Variants in CAPN7 observed in about 807,000 individuals in gnomAD.
CAPN7 encodes calpain 7.
In CAPN7, 72 loss-of-function variants were observed where a neutral mutation model predicts 115.2. That is an observed-to-expected ratio of 0.63 (90% CI 0.52 to 0.76). The LOEUF is 0.76. Ranked by LOEUF, CAPN7 falls within the 30% of genes least tolerant of loss-of-function variation. The pLI is 0.00. For missense variants in CAPN7, 905 were observed against 971.5 expected (o/e 0.93, Z 0.91); for synonymous variants, 344 against 322.3 (o/e 1.07, Z -0.72).
At chr3:15,247,938 C>T (rs1488234552) in intron 19 of CAPN7, among the ~76,000 whole-genome samples, 1 of 151,590 alleles carries the variant, frequency 6.6e-6, no homozygotes, top group African/African-American at 2.4e-5. Context: ...AAAAACCAAA[C>T]ACCACATATT....
At chr3:15,206,785 G>A (rs1003590558) in intron 1 of CAPN7, among the ~76,000 whole-genome samples, 188 bp downstream of exon 1, 2 of 152,212 alleles carry the variant, frequency 1.3e-5, no homozygotes, top group African/African-American at 4.8e-5. Context: ...GAGGCTGCGG[G>A]GAGGCTGGGT....
rs1006594642 is a variant in CAPN7 at position 15,206,432 on chromosome 3, A to G, written c.-64A>G. 1.6e-6 allele frequency: 2 copies of G among 1,270,042 alleles called. No homozygotes were observed. Among genetic ancestry groups the G allele is most frequent in the Non-Finnish European group, 2.2e-6 (2 of 910,162 alleles). 78.7% of individuals were successfully genotyped at this position (1,270,042 alleles called of 1,614,324 possible). On this transcript the variant is annotated 5_prime_UTR_variant, in exon 1 of 21. Transcript: ENST00000253693. ...GTCCTCGCCGCCGCCGGGCCGCCGC[A>G]GTCCGCGAAGAGCCGTCCTGCGTCA... is the stretch of plus-strand genomic sequence containing the variant.
intron 1 of CAPN7, chr3:15,210,822 C>T (rs768247209): frequency 2.3e-6 from 3 of 1,289,534 alleles, no homozygotes; most frequent in East Asian, 5.6e-5. Flanking sequence ...ACAACTCCTG[C>T]TCAAACAACT....
At chr3:15,209,993 T>C (rs1167506460) in intron 1 of CAPN7, among the ~76,000 whole-genome samples, 2 of 152,198 alleles carry the variant, frequency 1.3e-5, no homozygotes, top group Non-Finnish European at 2.9e-5. Context: ...CAGCAGTTTT[T>C]TAAATTGGCT....
chr3:15,247,744 A>G (rs1249188874), intron 19 of CAPN7, among the ~76,000 whole-genome samples: 3 of 151,834 alleles, frequency 2.0e-5, no homozygotes, highest in Non-Finnish European at 4.4e-5. Flanking sequence ...TAATGCAGGA[A>G]ATGTTTTAAC....
intron 9 of CAPN7, among the ~76,000 whole-genome samples, chr3:15,230,857 A>G (rs927296304): frequency 1.3e-5 from 2 of 152,254 alleles, no homozygotes; most frequent in Non-Finnish European, 2.9e-5. Flanking sequence ...AGGAAATCAG[A>G]CAAACTAAAT....
Position 15,229,725 on chromosome 3 carries a change from T to C in CAPN7, c.938+666T>C, listed in dbSNP as rs536446461. On this transcript the variant is annotated intron_variant, in intron 8 of 20. Transcript: ENST00000253693. The stretch of plus-strand genomic sequence containing the variant: ...GAAGTAGCTGGGATTACAGGCAGTT[T>C]TACCTTTTTAACTTTTAATGTGGTT... Among the ~76,000 whole-genome samples the C allele has an allele frequency of 3.9e-5, 6 of 151,974 alleles. No individual in the cohort carries two copies. The East Asian group carries it at 1.2e-3, about 29-fold the overall frequency.
chr3:15,227,956 C>T lies in CAPN7; in HGVS notation c.843C>T (p.Ser281=), dbSNP rs755737353. Residue 281 remains serine (S), a synonymous_variant, in exon 7 of 21, where the codon AGC becomes AGT. Transcript: ENST00000253693. The stretch of plus-strand genomic sequence containing the variant: ...TGATATATACTGTGTCCAGTTTTAG[C>T]ATAAAGCAGGTGAGCATTTATTTTG... ...PTMIYTVSSF[S]IKQTIVSDCS... The T allele has an allele frequency of 6.9e-7, 1 of 1,447,190 alleles. No individual in the cohort carries two copies. Among genetic ancestry groups the T allele is most frequent in the Non-Finnish European group, 9.1e-7 (1 of 1,096,472 alleles). The allele number at this position is 1,447,190 out of a possible 1,614,324, so 89.6% of individuals were successfully genotyped here.
intron 14 of CAPN7, 63 bp downstream of exon 14, chr3:15,240,916 A>G (rs1377220021): frequency 7.4e-6 from 8 of 1,074,994 alleles, no homozygotes; most frequent in Non-Finnish European, 1.1e-5. Context: ...ACTTAAAAAC[A>G]TAATGGTGCC....
chr3:15,210,380 A>G (rs1443795578), intron 1 of CAPN7, among the ~76,000 whole-genome samples: 1 of 152,140 alleles, frequency 6.6e-6, no homozygotes, highest in African/African-American at 2.4e-5. Flanking sequence ...ACATGTATCA[A>G]AAACATTCCG....
chr3:15,229,619 A>G (rs1245218382), intron 8 of CAPN7, among the ~76,000 whole-genome samples: 1 of 111,962 alleles, frequency 8.9e-6, no homozygotes, highest in Non-Finnish European at 1.6e-5. Context: ...CTTGTTGCCC[A>G]GGCTGGAGTG....
intron 1 of CAPN7, among the ~76,000 whole-genome samples, chr3:15,206,944 G>T (rs1047651729): frequency 3.3e-5 from 5 of 152,232 alleles, no homozygotes; most frequent in African/African-American, 1.2e-4. Flanking sequence ...GCGGGAAATG[G>T]CCTGTGATAT....
At chr3:15,207,652 T>A (rs953496614) in intron 1 of CAPN7, among the ~76,000 whole-genome samples, 13 of 151,832 alleles carry the variant, frequency 8.6e-5, no homozygotes, top group African/African-American at 1.4e-4. Flanking sequence ...TTTTTTTTTT[T>A]TTATTCTTTA....
intron 6 of CAPN7, among the ~76,000 whole-genome samples, chr3:15,224,100 T>G (rs1340608723): frequency 6.6e-6 from 1 of 152,118 alleles, no homozygotes; most frequent in Non-Finnish European, 1.5e-5. Flanking sequence ...CATCAAAGCA[T>G]CTGTTGCAGC....
At position 15,206,256 on chromosome 3, in the gene CAPN7, G is replaced by C; in HGVS notation, c.-240G>C. 2.6e-6 allele frequency: 1 copy of C among 391,974 alleles called. No individual in the cohort carries two copies. The highest frequency in any genetic ancestry group is 4.6e-6 in the Non-Finnish European group (1 of 217,724). The allele number at this position is 391,974 out of a possible 1,614,324, so 24.3% of individuals were successfully genotyped here. On this transcript the variant is annotated 5_prime_UTR_variant, in exon 1 of 21. Transcript: ENST00000253693. ...GCTGGTGGGCGGGGCGAGGGCCGCTGGGGCCGCGAAGTGGGGCGGCCGGGT... is the reference window on the plus strand; with the variant it reads ...GCTGGTGGGCGGGGCGAGGGCCGCTCGGGCCGCGAAGTGGGGCGGCCGGGT...
chr3:15,216,462 A>G (rs1394476959), intron 2 of CAPN7, among the ~76,000 whole-genome samples: 1 of 152,156 alleles, frequency 6.6e-6, no homozygotes, highest in Non-Finnish European at 1.5e-5. Flanking sequence ...TCCTTTGCCC[A>G]TTTTTTAACT....
intron 7 of CAPN7, among the ~76,000 whole-genome samples, chr3:15,228,685 C>T (rs533185056): frequency 6.6e-6 from 1 of 152,114 alleles, no homozygotes; most frequent in African/African-American, 2.4e-5. Context: ...AAAGGAACAG[C>T]AGACACTGGG....
chr3:15,252,129 C>T lies in CAPN7; in HGVS notation c.*869C>T, dbSNP rs1290563403. ...TCAAAAAAAGTGAATTGCCAAGATA[C>T]TGGTGTCATGTAAATTCCCACTTTA... On this transcript the variant is annotated 3_prime_UTR_variant, in exon 21 of 21. Transcript: ENST00000253693. The T allele has an allele frequency of 6.6e-6, 1 of 152,560 alleles. No homozygotes were observed. The highest frequency in any genetic ancestry group is 1.5e-5 in the Non-Finnish European group (1 of 68,012). 9.5% of individuals were successfully genotyped at this position (152,560 alleles called of 1,614,324 possible). A position where few individuals can be genotyped will look rare whatever the true frequency, so the allele number is the denominator to read the frequency against.
intron 16 of CAPN7, among the ~76,000 whole-genome samples, chr3:15,243,169 C>G (rs1200606150): frequency 6.6e-6 from 1 of 152,138 alleles, no homozygotes; most frequent in Non-Finnish European, 1.5e-5. Context: ...ACAGCAAGTA[C>G]AAGGACCTTA....
Sources: gnomAD v4.1 joint callset for allele counts (sites outside exome capture counted in the v4.1 genomes callset) on GRCh38, gnomAD v4.1.1 for gene constraint, MANE v1.5 for transcripts, NCBI Gene and HGNC (gene_info 2026-07-23, HGNC 2026-07-21) for gene names.